The following IRAK2 variants were observed in gnomAD, a reference collection of about 807,000 sequenced individuals.
IRAK2 encodes interleukin-1 receptor-associated kinase-like 2.
A neutral mutation model predicts 72.0 loss-of-function variants in IRAK2; 57 were observed. The ratio of observed to expected loss-of-function variants is 0.79; its 90% CI spans 0.64 to 0.99. The LOEUF (loss-of-function observed/expected upper bound fraction) is 0.99. Ranked by LOEUF, IRAK2 falls within the 50% of genes least tolerant of loss-of-function variation. IRAK2 has a pLI of 0.00. For synonymous variants in IRAK2, 293 were observed against 312.7 expected (o/e 0.94, Z 0.67); for missense variants, 790 against 794.4 (o/e 0.99, Z 0.07).
At chr3:10,197,186 T>G (rs996917413) in intron 2 of IRAK2, among the ~76,000 whole-genome samples, 2 of 151,572 alleles carry the variant, frequency 1.3e-5, no homozygotes, top group Non-Finnish European at 2.9e-5. Flanking sequence ...AAGACCAGCC[T>G]GGCCAACATG....
intron 9 of IRAK2, among the ~76,000 whole-genome samples, chr3:10,224,846 T>G: frequency 6.8e-6 from 1 of 148,128 alleles, no homozygotes; most frequent in East Asian, 2.0e-4. Flanking sequence ...TGCTCAGCCC[T>G]GCCTCTGGTT....
At chr3:10,182,287 CTTTTT>C (rs564399732) in intron 2 of IRAK2, among the ~76,000 whole-genome samples, 2 of 128,750 alleles carry the variant, frequency 1.6e-5, no homozygotes, top group African/African-American at 2.9e-5. Flanking sequence ...TTCTTTTTTT[CTTTTT>C]TTTTTTTTGG....
chr3:10,215,505 A>T (rs1346481935), intron 6 of IRAK2, among the ~76,000 whole-genome samples: 2 of 152,014 alleles, frequency 1.3e-5, no homozygotes, highest in Non-Finnish European at 2.9e-5. Flanking sequence ...AGCACCTATA[A>T]ATAAGCACTA....
chr3:10,203,336 C>A (rs1697390951), intron 3 of IRAK2, among the ~76,000 whole-genome samples: 1 of 152,282 alleles, frequency 6.6e-6, no homozygotes, highest in Admixed American at 6.5e-5. Flanking sequence ...CAAATGTGCC[C>A]AGGCAGGTCA....
At chr3:10,226,770 G>A (rs2125161744) in intron 10 of IRAK2, among the ~76,000 whole-genome samples, 1 of 151,316 alleles carries the variant, frequency 6.6e-6, no homozygotes, top group Admixed American at 6.6e-5. Context: ...AAAAAGAAAA[G>A]AAAAAACTTA....
intron 1 of IRAK2, among the ~76,000 whole-genome samples, chr3:10,170,180 A>G (rs1311012728): frequency 2.6e-5 from 4 of 152,044 alleles, no homozygotes; most frequent in African/African-American, 9.7e-5. Context: ...TTCCTCCATC[A>G]TCAAGGCCAT....
Position 10,215,436 on chromosome 3 carries a change from A to C in IRAK2, c.789-1498A>C, listed in dbSNP as rs9880151. 5.2e-3 allele frequency among the ~76,000 whole-genome samples: 782 copies of C among 151,380 alleles called. 8 individuals are homozygous for C. Among genetic ancestry groups the C allele is most frequent in the African/African-American group, 0.017 (724 of 41,456 alleles). On this transcript the variant is annotated intron_variant, in intron 6 of 12. Transcript: ENST00000256458. The stretch of plus-strand genomic sequence containing the variant: ...AAAATTAATTAATTAATTAAAAAGT[A>C]AAACAAATTTAAAAAGGAATAAAGA...
At chr3:10,165,399 G>A (rs973439961) in intron 1 of IRAK2, among the ~76,000 whole-genome samples, 2 of 152,116 alleles carry the variant, frequency 1.3e-5, no homozygotes, top group African/African-American at 4.8e-5. Context: ...CCTCGACCCT[G>A]TAGGGACCCA....
At chr3:10,196,445 T>C (rs1241528494) in intron 2 of IRAK2, among the ~76,000 whole-genome samples, 1 of 152,190 alleles carries the variant, frequency 6.6e-6, no homozygotes, top group African/African-American at 2.4e-5. Context: ...CCTGGGCCTG[T>C]GGAAGGCAGT....
At chr3:10,166,388 G>A (rs1224985074) in intron 1 of IRAK2, among the ~76,000 whole-genome samples, 1 of 152,218 alleles carries the variant, frequency 6.6e-6, no homozygotes, top group Non-Finnish European at 1.5e-5. Flanking sequence ...ATGACTGGCG[G>A]AGAGGGCCAT....
At chr3:10,193,817 G>A (rs1487006210) in intron 2 of IRAK2, among the ~76,000 whole-genome samples, 1 of 152,236 alleles carries the variant, frequency 6.6e-6, no homozygotes, top group Admixed American at 6.5e-5. Context: ...CCAATGGCGT[G>A]GGCACAGGCC....
chr3:10,189,961 T>C (rs2125147620), intron 2 of IRAK2, among the ~76,000 whole-genome samples: 1 of 152,204 alleles, frequency 6.6e-6, no homozygotes, highest in East Asian at 1.9e-4. Context: ...TCAGAGCACC[T>C]GGGTTCTAGT....
chr3:10,236,342 GTTTT>G (rs34423993), intron 11 of IRAK2, among the ~76,000 whole-genome samples: 3,473 of 99,592 alleles, frequency 0.035, 173 homozygotes, highest in African/African-American at 0.12. Context: ...AGCCACTAAG[GTTTT>G]TTTTTTTTTT....
intron 12 of IRAK2, among the ~76,000 whole-genome samples, chr3:10,240,558 C>CCCCCCCCTT (rs1274154130): frequency 2.2e-4 from 4 of 18,066 alleles, no homozygotes; most frequent in African/African-American, 1.0e-3. Flanking sequence ...CCCCCCCCGC[C>CCCCCCCCTT]TTTTTTTTTT....
intron 3 of IRAK2, among the ~76,000 whole-genome samples, chr3:10,207,865 G>A (rs1417007646): frequency 2.0e-5 from 3 of 152,014 alleles, no homozygotes; most frequent in South Asian, 2.1e-4. Flanking sequence ...CATGGCGCAC[G>A]CCTATAGTCC....
chr3:10,210,387 T>C (rs898217299), intron 4 of IRAK2, among the ~76,000 whole-genome samples: 2 of 151,852 alleles, frequency 1.3e-5, no homozygotes, highest in African/African-American at 4.8e-5. Flanking sequence ...TCTCCAAAAA[T>C]GTATGACCAT....
At chr3:10,207,232 C>G (rs972375070) in intron 3 of IRAK2, among the ~76,000 whole-genome samples, 1 of 152,082 alleles carries the variant, frequency 6.6e-6, no homozygotes, top group East Asian at 1.9e-4. Context: ...GGATTACAAG[C>G]CTGAGCCACT....
intron 10 of IRAK2, among the ~76,000 whole-genome samples, chr3:10,234,208 G>A (rs934243823): frequency 1.3e-5 from 2 of 152,036 alleles, no homozygotes; most frequent in Non-Finnish European, 2.9e-5. Flanking sequence ...TGAACCAACC[G>A]AGGCCTAGAA....
chr3:10,234,651 C>T lies in IRAK2; in HGVS notation c.1465C>T (p.Leu489=), dbSNP rs1697923107. The T allele has an allele frequency of 1.9e-6, 3 of 1,612,296 alleles. No individual in the cohort carries two copies. Among genetic ancestry groups the T allele is most frequent in the Non-Finnish European group, 2.5e-6 (3 of 1,179,362 alleles). ...GTGCCTGCGGAGGCGTAACACCAGC[C>T]TGCAGGAGGTGAGCCTCGCCCGCAG... is the stretch of plus-strand genomic sequence containing the variant. ...CLCLRRRNTS[L]QEVCGSVAAV... is the part of the protein sequence containing the mutation. The change falls in exon 11 of 13, where the codon CTG becomes TTG. Residue 489 remains leucine (L), a synonymous_variant. Coordinates refer to ENST00000256458, the MANE Select transcript of IRAK2 (RefSeq NM_001570.4).
Sources: gnomAD v4.1 joint callset for allele counts (sites outside exome capture counted in the v4.1 genomes callset) on GRCh38, gnomAD v4.1.1 for gene constraint, MANE v1.5 for transcripts, NCBI Gene and HGNC (gene_info 2026-07-23, HGNC 2026-07-21) for gene names.